Variants in USP18 observed in about 807,000 individuals in gnomAD.
USP18 encodes ubiquitin specific peptidase 18.
A neutral mutation model predicts 48.7 loss-of-function variants in USP18; 11 were observed. The ratio of observed to expected loss-of-function variants is 0.23; its 90% CI spans 0.14 to 0.37. The LOEUF (loss-of-function observed/expected upper bound fraction) is 0.37, where lower values mean the gene tolerates loss of function less well. Among genes scored for constraint, USP18 ranks in the 10% least tolerant of loss-of-function variants. The probability of loss-of-function intolerance (pLI) is 1.00; values close to 1 mark genes in which losing one functional copy is unlikely to be tolerated. For synonymous variants in USP18, 114 were observed against 163.2 expected, an observed-to-expected ratio of 0.70 and a Z score of 2.30; for missense variants, 285 against 436.4, an observed-to-expected ratio of 0.65 and a Z score of 3.09.
intron 2 of USP18, among the ~76,000 whole-genome samples, chr22:18,159,672 ATT>A (rs34386839): frequency 0.26 from 19,846 of 76,546 alleles, 2,393 homozygotes; most frequent in East Asian, 0.59. Flanking sequence ...TGATTTTTGG[ATT>A]TTTTTTTTTT....
At chr22:18,172,865 A>ACCCCTCCCAGGGGGATGATC (rs1929671899) in intron 8 of USP18, among the ~76,000 whole-genome samples, 1 of 149,580 alleles carries the variant, frequency 6.7e-6, no homozygotes, top group Non-Finnish European at 1.5e-5. Flanking sequence ...GATGATCCCC[A>ACCCCTCCCAGGGGGATGATC]CCCCTCCCAG....
intron 6 of USP18, 63 bp from the exon 7 acceptor site, chr22:18,169,781 A>C (rs1306332353): frequency 1.3e-6 from 2 of 1,536,788 alleles, no homozygotes; most frequent in African/African-American, 2.8e-5. Context: ...AGAACAGATG[A>C]ATATAGTATT....
intron 9 of USP18, among the ~76,000 whole-genome samples, 195 bp from the exon 10 acceptor site, chr22:18,173,598 G>T (rs1163344796): frequency 6.6e-6 from 1 of 152,198 alleles, no homozygotes; most frequent in African/African-American, 2.4e-5. Context: ...GGATAAGCAT[G>T]ACCAAGTTTA....
Position 18,157,707 on chromosome 22 carries a change from T to C in USP18, c.44T>C (p.Ile15Thr). ...CTCCTGAGGCAAATCTGTCAGTCCA[T>C]CCTGGCTGAGTCCTCGCAGTCCCCG... is the stretch of plus-strand genomic sequence containing the variant. ...FGLLRQICQS[I>T]LAESSQSPAD... The change falls in exon 2 of 11, where the codon ATC becomes ACC. Residue 15 changes from isoleucine to threonine, a missense_variant. By Grantham distance (89) the Ile-to-Thr change is moderately conservative. This residue lies in a region of USP18 where 199 missense variants were observed against 239.6 expected (regional missense o/e 0.83). Transcript: ENST00000215794. 1.2e-6 allele frequency: 2 copies of C among 1,613,986 alleles called. No homozygotes were observed. The highest frequency in any genetic ancestry group is 1.7e-6 in the Non-Finnish European group (2 of 1,180,004).
chr22:18,166,472 G>A (rs939259002), intron 4 of USP18, among the ~76,000 whole-genome samples: 1 of 151,782 alleles, frequency 6.6e-6, no homozygotes, highest in Non-Finnish European at 1.5e-5. Flanking sequence ...TTCCTGGGTG[G>A]CCATGCTTTT....
At chr22:18,166,094 C>A (rs5993028) in intron 4 of USP18, among the ~76,000 whole-genome samples, 57,869 of 151,832 alleles carry the variant, frequency 0.38, 11,613 homozygotes, top group African/African-American at 0.51. Flanking sequence ...TGAGCAGCTC[C>A]TCAGCTTTTC....
intron 10 of USP18, among the ~76,000 whole-genome samples, chr22:18,175,239 T>C (rs1297467635): frequency 2.0e-5 from 3 of 152,080 alleles, no homozygotes; most frequent in African/African-American, 7.3e-5. Flanking sequence ...GAGGAGAAGC[T>C]GGAGAGAAAA....
chr22:18,150,483 T>C (rs1158181411), intron 1 of USP18, among the ~76,000 whole-genome samples: 7 of 152,216 alleles, frequency 4.6e-5, no homozygotes, highest in African/African-American at 9.6e-5. Context: ...TGTAAAAAAA[T>C]TCAAACAATG....
chr22:18,157,772 AAG>A lies in USP18; in HGVS notation c.116_117del (p.Glu39AlafsTer28). The part of the protein sequence containing the change: ...EEKKEEDSNM[K>X]REQPRERPRA... ...AAAGAAGGAAGAAGACAGCAACATG[AAG>A]AGAGAGCAGCCCAGAGAGCGTCCCA... On this transcript the variant is annotated frameshift_variant, in exon 2 of 11. Coordinates refer to ENST00000215794, the MANE Select transcript of USP18 (RefSeq NM_017414.4). LOFTEE classifies it high-confidence loss of function. 6.2e-7 allele frequency: 1 copy of A among 1,614,084 alleles called. No homozygotes were observed. The highest frequency in any genetic ancestry group is 8.5e-7 in the Non-Finnish European group (1 of 1,180,006).
At chr22:18,171,603 C>T (rs1007527042) in intron 8 of USP18, among the ~76,000 whole-genome samples, 16 of 151,872 alleles carry the variant, frequency 1.1e-4, no homozygotes, top group Non-Finnish European at 1.8e-4. Flanking sequence ...TGTACTCCAG[C>T]CTGGGCAACA....
chr22:18,157,067 A>C (rs918481419), intron 1 of USP18, among the ~76,000 whole-genome samples: 3 of 152,216 alleles, frequency 2.0e-5, no homozygotes, highest in Non-Finnish European at 4.4e-5. Context: ...CCTAAGGCCG[A>C]CAGGTAGCTA....
chr22:18,160,143 C>T (rs1929288287), intron 2 of USP18, 29 bp from the exon 3 acceptor site: 5 of 1,608,352 alleles, frequency 3.1e-6, no homozygotes, highest in Admixed American at 3.3e-5. Flanking sequence ...AGGCCTTGCC[C>T]TCAGCATTTT....
chr22:18,156,370 T>C (rs1929138181), intron 1 of USP18, among the ~76,000 whole-genome samples: 1 of 152,204 alleles, frequency 6.6e-6, no homozygotes, highest in Non-Finnish European at 1.5e-5. Context: ...CTGGTCAGGT[T>C]TCCTTCCATG....
At chr22:18,174,924 T>C (rs528668652) in intron 10 of USP18, among the ~76,000 whole-genome samples, 331 of 152,204 alleles carry the variant, frequency 2.2e-3, no homozygotes, top group African/African-American at 7.8e-3. Context: ...TGTTTGTTTG[T>C]TTGTTTTGAG....
At chr22:18,166,091 C>T in intron 4 of USP18, among the ~76,000 whole-genome samples, 1 of 152,164 alleles carries the variant, frequency 6.6e-6, no homozygotes, top group Non-Finnish European at 1.5e-5. Context: ...CAGTGAGCAG[C>T]TCCTCAGCTT....
intron 8 of USP18, 56 bp from the exon 9 acceptor site, chr22:18,173,094 T>C: frequency 6.2e-7 from 1 of 1,604,876 alleles, no homozygotes; most frequent in South Asian, 1.1e-5. Flanking sequence ...TATAAATGTG[T>C]GAGGCAGTCG....
At chr22:18,167,177 A>G in intron 4 of USP18, 78 bp from the exon 5 acceptor site, 1 of 1,513,772 alleles carries the variant, frequency 6.6e-7, no homozygotes, top group Non-Finnish European at 9.0e-7. Flanking sequence ...ATGAGTGTTC[A>G]TGTGTGTCTA....
chr22:18,162,144 T>A (rs1351956167), intron 4 of USP18, among the ~76,000 whole-genome samples: 8 of 152,190 alleles, frequency 5.3e-5, no homozygotes, highest in Non-Finnish European at 1.0e-4. Context: ...CTTCCATACC[T>A]AACCTTTCTC....
chr22:18,175,272 A>C (rs977592445), intron 10 of USP18, among the ~76,000 whole-genome samples: 2 of 152,152 alleles, frequency 1.3e-5, no homozygotes, highest in African/African-American at 4.8e-5. Flanking sequence ...GTTAAGGCAG[A>C]GAGACTTTGT....
Sources: gnomAD v4.1 joint callset for allele counts (sites outside exome capture counted in the v4.1 genomes callset) on GRCh38, gnomAD v4.1.1 for gene constraint, gnomAD v4.1.1 regional missense constraint, MANE v1.5 for transcripts, NCBI Gene and HGNC (gene_info 2026-07-23, HGNC 2026-07-21) for gene names.